The following WDR44 variants were observed in gnomAD, a reference collection of about 807,000 sequenced individuals.
WDR44 encodes WD repeat-containing protein 44.
WDR44 carries 9 observed loss-of-function variants against 65.7 expected under a neutral mutation model. The ratio of observed to expected loss-of-function variants is 0.14; its 90% CI spans 0.08 to 0.24. The LOEUF (loss-of-function observed/expected upper bound fraction) is 0.24, where lower values mean the gene tolerates loss of function less well. Ranked by LOEUF, WDR44 falls within the 10% of genes least tolerant of loss-of-function variation. The pLI is 1.00. For synonymous variants in WDR44, 220 were observed against 235.2 expected (o/e 0.94, Z 0.59); for missense variants, 425 against 670.9 (o/e 0.63, Z 4.05).
chrX:118,403,432 A>T (rs1003942817), intron 8 of WDR44, among the ~76,000 whole-genome samples: 70 of 111,822 alleles, frequency 6.3e-4, no homozygotes, highest in African/African-American at 2.2e-3. Flanking sequence ...ACATTTAAAA[A>T]GCTGAGGTTT....
chrX:118,399,660 T>G lies in WDR44; in HGVS notation c.1274+1190T>G, dbSNP rs753403569. ...TCCTCAGGTTTATTCAAAGCCATTA[T>G]GCTTATTTCTTACATCATTTTTTTT... On this transcript the variant is annotated intron_variant, in intron 8 of 19. Coordinates refer to ENST00000254029, the MANE Select transcript of WDR44 (RefSeq NM_019045.5). Among the ~76,000 whole-genome samples, 4 of 112,370 alleles carry G rather than the reference T, an allele frequency of 3.6e-5. No homozygotes were observed. In the Admixed American group the frequency reaches 3.8e-4, roughly 11 times the overall value.
rs189520547 is a variant in WDR44, at chrX:118,364,646, T to C, written c.78-13773T>C. ...TGAAGGGGCCTAAAGACTCAACTAATACAGCTCCTTCATTTTACAGGTGTG... is the reference window on the plus strand; with the variant it reads ...TGAAGGGGCCTAAAGACTCAACTAACACAGCTCCTTCATTTTACAGGTGTG... On this transcript the variant is annotated intron_variant, in intron 1 of 19. Transcript: ENST00000254029. Among the ~76,000 whole-genome samples, 130 of 112,325 alleles carry C rather than the reference T, an allele frequency of 1.2e-3. 2 individuals are homozygous for C. In the East Asian group the frequency reaches 0.031, roughly 27 times the overall value.
intron 1 of WDR44, among the ~76,000 whole-genome samples, chrX:118,347,935 G>T (rs927124042): frequency 3.6e-5 from 4 of 111,513 alleles, no homozygotes; most frequent in Non-Finnish European, 5.7e-5. Context: ...TTTGGGTTTT[G>T]AAATGTATTG....
At chrX:118,373,269 G>A (rs1189052924) in intron 1 of WDR44, among the ~76,000 whole-genome samples, 1 of 110,845 alleles carries the variant, frequency 9.0e-6, no homozygotes, top group African/African-American at 3.3e-5. Flanking sequence ...GTATTTGAGC[G>A]TGATAATTAA....
At chrX:118,392,278 G>C (rs2056827045) in intron 3 of WDR44, among the ~76,000 whole-genome samples, 1 of 111,899 alleles carries the variant, frequency 8.9e-6, no homozygotes, top group Admixed American at 9.5e-5. Flanking sequence ...CTTAATGTAA[G>C]TTTAGGATTG....
rs758701644 is a variant in WDR44 at position 118,442,500 on chromosome X, T to C, written c.2269-65T>C. The stretch of plus-strand genomic sequence containing the variant: ...AGTTTGTATGTGTGTAACACCCTTT[T>C]TGGGTTGTAGCTTAGCTTGTACTAA... On this transcript the variant is annotated intron_variant, in intron 16 of 19. Transcript: ENST00000254029. The C allele has an allele frequency of 6.6e-6, 7 of 1,057,253 alleles. No homozygotes were observed. In the Admixed American group the frequency reaches 1.6e-4, roughly 24 times the overall value. The allele number at this position is 1,057,253 out of a possible 1,213,427, so 87.1% of individuals were successfully genotyped here.
intron 12 of WDR44, among the ~76,000 whole-genome samples, chrX:118,423,840 G>T (rs1030963777): frequency 8.9e-6 from 1 of 111,789 alleles, no homozygotes; most frequent in East Asian, 2.8e-4. Context: ...CATATAAGTG[G>T]CATTATGTAG....
chrX:118,400,564 T>C (rs2056902658), intron 8 of WDR44, among the ~76,000 whole-genome samples: 1 of 111,923 alleles, frequency 8.9e-6, no homozygotes, highest in South Asian at 3.7e-4. Context: ...ATAATGGCTT[T>C]AAAAATGGTT....
At position 118,353,216 on chromosome X, in the gene WDR44, T is replaced by G. The variant is rs577382667; in HGVS notation, c.77+6636T>G. 7.5e-4 allele frequency among the ~76,000 whole-genome samples: 84 copies of G among 111,869 alleles called. 1 individual carries two copies. The highest frequency in any genetic ancestry group is 2.7e-3 in the African/African-American group (82 of 30,778). The stretch of plus-strand genomic sequence containing the variant: ...TCAGAGTGAAACTCTTTCTATTCCC[T>G]TATTTCAAACTCAGCAGTGTTTGTG... On this transcript the variant is annotated intron_variant, in intron 1 of 19. Transcript: ENST00000254029.
chrX:118,376,184 C>T (rs1317929172), intron 1 of WDR44, among the ~76,000 whole-genome samples: 5 of 111,647 alleles, frequency 4.5e-5, no homozygotes, highest in East Asian at 5.6e-4. Context: ...GCAATCCTCC[C>T]GCCTTGGCCT....
chrX:118,396,539 T>C (rs1481213844), intron 6 of WDR44, among the ~76,000 whole-genome samples: 1 of 112,273 alleles, frequency 8.9e-6, no homozygotes, highest in East Asian at 2.8e-4. Context: ...GAAAACATCA[T>C]GTTAAGTTAA....
chrX:118,435,708 C>T (rs1288438173), intron 13 of WDR44, among the ~76,000 whole-genome samples: 1 of 112,633 alleles, frequency 8.9e-6, no homozygotes, highest in Non-Finnish European at 1.9e-5. Flanking sequence ...TTTTCTGGAA[C>T]TGAGTGGATC....
Position 118,346,264 on chromosome X carries a change from C to G in WDR44, c.-240C>G. On this transcript the variant is annotated 5_prime_UTR_variant, in exon 1 of 20. Coordinates refer to ENST00000254029, the MANE Select transcript of WDR44 (RefSeq NM_019045.5). ...CTATCACTGGGAGCGGTGGCAGCAA[C>G]ATTCCCTGGACCAACCGCCGCCTCT... The G allele has an allele frequency of 2.5e-6, 1 of 396,041 alleles. No homozygotes were observed. The highest frequency in any genetic ancestry group is 4.4e-6 in the Non-Finnish European group (1 of 228,484). 32.6% of individuals were successfully genotyped at this position (396,041 alleles called of 1,213,427 possible).
At chrX:118,420,345 C>G (rs146878491) in intron 12 of WDR44, among the ~76,000 whole-genome samples, 1 of 110,723 alleles carries the variant, frequency 9.0e-6, no homozygotes, top group Non-Finnish European at 1.9e-5. Flanking sequence ...CTGCGCCTCC[C>G]GGGTTCAAGG....
Position 118,372,422 on chromosome X carries a change from A to G in WDR44, c.78-5997A>G, listed in dbSNP as rs746102101. Among the ~76,000 whole-genome samples the G allele has an allele frequency of 7.1e-4, 79 of 111,744 alleles. 1 individual carries two copies. Among genetic ancestry groups the G allele is most frequent in the Middle Eastern group, 4.6e-3 (1 of 218 alleles). ...GAAATAGTCTACTGTTACTATCTCT[A>G]CTTTGACATTAGAGACTTATTTACA... On this transcript the variant is annotated intron_variant, in intron 1 of 19. Transcript: ENST00000254029.
At chrX:118,354,619 AT>A (rs1047399456) in intron 1 of WDR44, among the ~76,000 whole-genome samples, 2 of 109,423 alleles carry the variant, frequency 1.8e-5, no homozygotes, top group Admixed American at 9.8e-5. Flanking sequence ...CTTGAATGGT[AT>A]TTTTTTTTAT....
At position 118,392,834 on chromosome X, in the gene WDR44, T is replaced by C; in HGVS notation, c.389T>C (p.Phe130Ser). 1 of 1,211,720 alleles carries C rather than the reference T, an allele frequency of 8.3e-7. No individual in the cohort carries two copies. The highest frequency in any genetic ancestry group is 1.7e-5 in the African/African-American group (1 of 57,790). ...ESQKAESQNT[F>S]EETELELKKC... ...CAAAAGGCAGAGAGTCAGAATACAT[T>C]TGAAGAGACTGAATTAGAATTAAAA... is the stretch of plus-strand genomic sequence containing the variant. Residue 130 changes from phenylalanine (F) to serine (S), a missense_variant, in exon 4 of 20, where the codon TTT (phenylalanine) becomes TCT (serine). Transcript: ENST00000254029.
intron 3 of WDR44, among the ~76,000 whole-genome samples, chrX:118,387,678 G>T (rs1405610034): frequency 9.0e-6 from 1 of 111,561 alleles, no homozygotes; most frequent in Non-Finnish European, 1.9e-5. Flanking sequence ...ATCAGAATAA[G>T]CCCTAACTCT....
chrX:118,368,650 A>C (rs971376073), intron 1 of WDR44, among the ~76,000 whole-genome samples: 24 of 102,649 alleles, frequency 2.3e-4, no homozygotes, highest in Non-Finnish European at 3.9e-4. Flanking sequence ...AAGTGTTGGG[A>C]GACTGGAAAG....
Sources: gnomAD v4.1 joint callset for allele counts (sites outside exome capture counted in the v4.1 genomes callset) on GRCh38, gnomAD v4.1.1 for gene constraint, MANE v1.5 for transcripts, NCBI Gene and HGNC (gene_info 2026-07-23, HGNC 2026-07-21) for gene names.